The following C12orf42 variants were observed in gnomAD, a reference collection of about 807,000 sequenced individuals.
The protein encoded by C12orf42 is chromosome 12 open reading frame 42.
C12orf42 carries 25 observed loss-of-function variants against 21.6 expected under a neutral mutation model. That is an observed-to-expected ratio of 1.16 (90% CI 0.84 to 1.62). The LOEUF (loss-of-function observed/expected upper bound fraction) is 1.62. Among genes scored for constraint, C12orf42 ranks in the 40% most tolerant of loss-of-function variants. The pLI is 0.00. For synonymous variants in C12orf42, 174 were observed against 175.0 expected, an observed-to-expected ratio of 0.99 and a Z score of 0.05; for missense variants, 483 against 459.3, an observed-to-expected ratio of 1.05 and a Z score of -0.47.
chr12:103,056,912 A>G, the C12orf42 span, among the ~76,000 whole-genome samples: 2 of 152,124 alleles, frequency 1.3e-5, no homozygotes, highest in Admixed American at 6.5e-5. Flanking sequence ...AAGCACGTTC[A>G]TAATTGCTTG....
chr12:103,337,347 T>G (rs2041783998), intron 4 of C12orf42, among the ~76,000 whole-genome samples: 1 of 149,698 alleles, frequency 6.7e-6, no homozygotes, highest in Non-Finnish European at 1.5e-5. Context: ...GCAAGGTTTT[T>G]TTGTTTGTTT....
chr12:103,556,034 AGT>A, the C12orf42 span, among the ~76,000 whole-genome samples: 1 of 152,196 alleles, frequency 6.6e-6, no homozygotes, highest in African/African-American at 2.4e-5. Flanking sequence ...ATGTGGATGG[AGT>A]ACCAGCAGGA....
chr12:103,335,760 C>T (rs2041635552), intron 4 of C12orf42, among the ~76,000 whole-genome samples: 2 of 152,336 alleles, frequency 1.3e-5, no homozygotes, highest in South Asian at 4.1e-4. Context: ...CAAAGATCCT[C>T]CCTCCTATTT....
the C12orf42 span, among the ~76,000 whole-genome samples, chr12:103,069,061 T>A: frequency 1.4e-5 from 2 of 146,856 alleles, no homozygotes; most frequent in African/African-American, 5.0e-5. Flanking sequence ...TTAAAAAAGA[T>A]ACTTTTTGTT....
the C12orf42 span, among the ~76,000 whole-genome samples, chr12:103,105,685 A>G: frequency 6.6e-6 from 1 of 152,152 alleles, no homozygotes; most frequent in Non-Finnish European, 1.5e-5. Context: ...ATAGACTGAA[A>G]ACTCAGACAG....
At chr12:103,411,713 T>C (rs2048860456) in intron 2 of C12orf42, among the ~76,000 whole-genome samples, 1 of 152,166 alleles carries the variant, frequency 6.6e-6, no homozygotes, top group South Asian at 2.1e-4. Context: ...CTGAATCTAT[T>C]TGTGCGTTGA....
intron 2 of C12orf42, among the ~76,000 whole-genome samples, chr12:103,410,983 C>A (rs925027869): frequency 6.6e-6 from 1 of 152,156 alleles, no homozygotes; most frequent in African/African-American, 2.4e-5. Context: ...AGTTACCAAG[C>A]AAGGAGGATT....
the C12orf42 span, among the ~76,000 whole-genome samples, chr12:103,082,978 AGCTTT>A: frequency 6.6e-6 from 1 of 152,198 alleles, no homozygotes; most frequent in Non-Finnish European, 1.5e-5. Context: ...TTTCAGGAAG[AGCTTT>A]ATAGCAAGTT....
At chr12:103,250,610 G>T (rs998019319) in intron 10 of C12orf42, among the ~76,000 whole-genome samples, 30 of 152,094 alleles carry the variant, frequency 2.0e-4, no homozygotes, top group African/African-American at 7.2e-4. Flanking sequence ...AGAGGGAGAG[G>T]ATAAAAGCAA....
chr12:103,107,248 CA>C, the C12orf42 span, among the ~76,000 whole-genome samples: 1 of 151,696 alleles, frequency 6.6e-6, no homozygotes, highest in Non-Finnish European at 1.5e-5. Context: ...AAAAATTTTG[CA>C]AAACAAAATA....
In C12orf42 at chr12:103,448,257, T is replaced by C. The variant is rs370450279; in HGVS notation, c.78+30092A>G. ...CAAGCCACATATAGAAGAATGAAAC[T>C]GGATCCCCACCTCTTACCTTATACA... On this transcript the variant is annotated intron_variant, in intron 2 of 5. Coordinates refer to ENST00000548883, the MANE Select transcript of C12orf42 (RefSeq NM_198521.5). Among the ~76,000 whole-genome samples the C allele has an allele frequency of 2.4e-4, 36 of 152,172 alleles. 2 individuals are homozygous for C. The South Asian group carries it at 6.0e-3, about 25-fold the overall frequency.
chr12:103,107,558 A>G, the C12orf42 span, among the ~76,000 whole-genome samples: 1 of 151,966 alleles, frequency 6.6e-6, no homozygotes, highest in Non-Finnish European at 1.5e-5. Flanking sequence ...AATATTTAAA[A>G]TCAAATGACA....
At chr12:103,559,712 C>T in the C12orf42 span, 1 of 152,208 alleles carries the variant, frequency 6.6e-6, no homozygotes, top group Non-Finnish European at 1.5e-5. Context: ...GGTGAATGGA[C>T]ACCTGTGATT....
chr12:103,259,522 A>G, intron 10 of C12orf42, among the ~76,000 whole-genome samples: 1 of 152,100 alleles, frequency 6.6e-6, no homozygotes, highest in Non-Finnish European at 1.5e-5. Flanking sequence ...CAGGTGATCC[A>G]CCTGCCTCGG....
the C12orf42 span, chr12:103,506,113 A>ATGC: frequency 4.7e-6 from 1 of 211,404 alleles, no homozygotes; most frequent in South Asian, 8.6e-5. Context: ...GATGATCTTG[A>ATGC]TGTTATCATT....
At chr12:103,441,655 T>C (rs182662282) in intron 2 of C12orf42, 13 of 152,240 alleles carry the variant, frequency 8.5e-5, no homozygotes, top group Non-Finnish European at 1.6e-4. Flanking sequence ...CTGGGGACAA[T>C]AGAAAGCAAG....
intron 10 of C12orf42, among the ~76,000 whole-genome samples, chr12:103,239,110 A>G (rs1565987834): frequency 6.6e-6 from 1 of 152,178 alleles, no homozygotes; most frequent in East Asian, 1.9e-4. Context: ...TAAGGCTACA[A>G]ATAGGCACTC....
At chr12:103,279,373 TTATTA>T (rs2035965576) in intron 4 of C12orf42, among the ~76,000 whole-genome samples, 1 of 152,212 alleles carries the variant, frequency 6.6e-6, no homozygotes, top group Non-Finnish European at 1.5e-5. Context: ...TGCAGGGTTT[TTATTA>T]TATCTCAATA....
At chr12:103,298,687 A>T (rs1443062777), downstream of C12orf42, among the ~76,000 whole-genome samples, 5 of 152,092 alleles carry the variant, frequency 3.3e-5, no homozygotes, top group Admixed American at 2.6e-4. Flanking sequence ...ATAGGAATGC[A>T]CCCTTGGCTC....
Sources: allele counts gnomAD v4.1 joint callset (sites outside exome capture counted in the v4.1 genomes callset), GRCh38; gene constraint gnomAD v4.1.1; transcripts MANE v1.5; gene names NCBI Gene and HGNC (gene_info 2026-07-23, HGNC 2026-07-21).